Variants in NLGN1 observed in about 807,000 individuals in gnomAD.
NLGN1 encodes the protein neuroligin 1.
NLGN1 carries 12 observed loss-of-function variants against 65.5 expected under a neutral mutation model. The ratio of observed to expected loss-of-function variants is 0.18; its 90% CI spans 0.12 to 0.30. The LOEUF (loss-of-function observed/expected upper bound fraction) is 0.30. NLGN1 is among the 10% of genes least tolerant of loss of function. The pLI is 1.00. For synonymous variants in NLGN1, 350 were observed against 359.5 expected (o/e 0.97, Z 0.30); for missense variants, 750 against 1,007.1 (o/e 0.74, Z 3.46).
chr3:173,549,619 T>C (rs1193369232), intron 2 of NLGN1, among the ~76,000 whole-genome samples: 1 of 152,078 alleles, frequency 6.6e-6, no homozygotes, highest in Non-Finnish European at 1.5e-5. Flanking sequence ...TTACTCTTTA[T>C]TAGATTAATT....
intron 4 of NLGN1, among the ~76,000 whole-genome samples, chr3:173,888,073 C>G (rs1048536827): frequency 1.3e-5 from 2 of 151,904 alleles, no homozygotes; most frequent in African/African-American, 4.8e-5. Context: ...ATGAATCACC[C>G]ATATAATGCA....
intron 3 of NLGN1, among the ~76,000 whole-genome samples, chr3:173,776,717 A>G (rs1460597306): frequency 2.6e-5 from 4 of 152,004 alleles, no homozygotes; most frequent in Non-Finnish European, 1.5e-5. Context: ...TCCTCCGTAT[A>G]TAAAAGTAAT....
intron 4 of NLGN1, among the ~76,000 whole-genome samples, chr3:174,209,325 T>G (rs1736009696): frequency 6.6e-6 from 1 of 152,194 alleles, no homozygotes. Context: ...GCTTCTTTCT[T>G]ATTGTATTTT....
At chr3:173,893,820 C>T (rs991217448) in intron 4 of NLGN1, among the ~76,000 whole-genome samples, 2 of 152,130 alleles carry the variant, frequency 1.3e-5, no homozygotes, top group Non-Finnish European at 1.5e-5. Flanking sequence ...GATAGCTTGC[C>T]TATCATTTGT....
intron 4 of NLGN1, among the ~76,000 whole-genome samples, chr3:173,935,916 T>C (rs1744995338): frequency 6.6e-6 from 1 of 151,988 alleles, no homozygotes; most frequent in African/African-American, 2.4e-5. Flanking sequence ...ACCAAAGACC[T>C]ACTGCTCCCC....
In NLGN1 at chr3:173,539,657, G is replaced by GTACATACGTACATATATAACATACATATA. The variant is rs1362050556; in HGVS notation, c.-320-64621_-320-64620insACATACGTACATATATAACATACATATAT. 4.6e-3 allele frequency among the ~76,000 whole-genome samples: 568 copies of GTACATACGTACATATATAACATACATATA among 124,270 alleles called. 6 individuals are homozygous for GTACATACGTACATATATAACATACATATA. The highest frequency in any genetic ancestry group is 7.7e-3 in the Non-Finnish European group (484 of 62,678). The allele number at this position is 124,270 out of a possible 152,430, so 81.5% of individuals were successfully genotyped here. A position where few individuals can be genotyped will look rare whatever the true frequency, so the allele number is the denominator to read the frequency against. On this transcript the variant is annotated intron_variant, in intron 2 of 6. Coordinates refer to ENST00000457714, the Ensembl canonical transcript of NLGN1. ...ACACATATATACATATATAACATAT[G>GTACATACGTACATATATAACATACATATA]TGTATATATGCACATATATAACATA...
chr3:173,790,008 C>T, intron 3 of NLGN1: 3 of 392,260 alleles, frequency 7.6e-6, no homozygotes, highest in South Asian at 3.7e-5. Flanking sequence ...CCTTTCTTTC[C>T]TCATACCATA....
At chr3:173,795,683 G>A (rs369194805) in intron 3 of NLGN1, among the ~76,000 whole-genome samples, 70 of 152,002 alleles carry the variant, frequency 4.6e-4, no homozygotes, top group Non-Finnish European at 5.6e-4. Flanking sequence ...TAATCCTGTC[G>A]TTACTTAAAA....
At chr3:173,953,454 C>T (rs1579386827) in intron 4 of NLGN1, among the ~76,000 whole-genome samples, 2 of 152,292 alleles carry the variant, frequency 1.3e-5, no homozygotes, top group South Asian at 2.1e-4. Flanking sequence ...TCCAACTGGG[C>T]ACTAAACTAA....
intron 4 of NLGN1, among the ~76,000 whole-genome samples, chr3:174,017,748 G>C (rs971742326): frequency 5.9e-5 from 9 of 152,008 alleles, no homozygotes; most frequent in African/African-American, 1.9e-4. Flanking sequence ...GTACAAATAG[G>C]GTGTGGGTCA....
At chr3:174,056,527 C>G (rs1004120586) in intron 4 of NLGN1, among the ~76,000 whole-genome samples, 4 of 151,952 alleles carry the variant, frequency 2.6e-5, no homozygotes, top group African/African-American at 9.7e-5. Context: ...AGCTTTGAAT[C>G]TCTCACTGGA....
At chr3:173,419,588 A>G (rs976719279) in intron 1 of NLGN1, among the ~76,000 whole-genome samples, 11 of 152,102 alleles carry the variant, frequency 7.2e-5, no homozygotes, top group Non-Finnish European at 1.3e-4. Flanking sequence ...GCTCTGTCAT[A>G]TTTCAGCCTC....
intron 5 of NLGN1, among the ~76,000 whole-genome samples, chr3:174,276,822 A>ACTT (rs1750679539): frequency 6.6e-6 from 1 of 151,890 alleles, no homozygotes; most frequent in Non-Finnish European, 1.5e-5. Flanking sequence ...GAAATAATAA[A>ACTT]CTTAGTGTTT....
intron 2 of NLGN1, among the ~76,000 whole-genome samples, chr3:173,595,500 A>G (rs1749311413): frequency 6.6e-6 from 1 of 152,186 alleles, no homozygotes; most frequent in Admixed American, 6.5e-5. Flanking sequence ...ACAAGTCTCT[A>G]GGAAGTTCCA....
At chr3:173,586,780 A>C (rs1214329262) in intron 2 of NLGN1, among the ~76,000 whole-genome samples, 1 of 152,210 alleles carries the variant, frequency 6.6e-6, no homozygotes, top group Non-Finnish European at 1.5e-5. Flanking sequence ...AAGCTAGGTT[A>C]GTCTCTTTTT....
At chr3:173,845,612 A>G (rs532354908) in intron 4 of NLGN1, among the ~76,000 whole-genome samples, 189 of 140,276 alleles carry the variant, frequency 1.3e-3, no homozygotes, top group Non-Finnish European at 2.3e-3. Flanking sequence ...GGATGGATAG[A>G]TAGATAGATA....
chr3:173,577,250 C>T (rs1414730270), intron 2 of NLGN1, among the ~76,000 whole-genome samples: 1 of 152,152 alleles, frequency 6.6e-6, no homozygotes, highest in African/African-American at 2.4e-5. Flanking sequence ...TAATGTATTA[C>T]ACATAAGCCA....
chr3:173,439,763 T>C (rs1020797841), intron 2 of NLGN1, among the ~76,000 whole-genome samples: 1 of 152,110 alleles, frequency 6.6e-6, no homozygotes, highest in South Asian at 2.1e-4. Context: ...AAAGCTAAAA[T>C]GCTAATGGTT....
chr3:173,962,330 A>T (rs1433817095), intron 4 of NLGN1, among the ~76,000 whole-genome samples: 1 of 152,072 alleles, frequency 6.6e-6, no homozygotes, highest in East Asian at 1.9e-4. Flanking sequence ...GTCTTTGTCA[A>T]ACATCACCTT....
Sources: gnomAD v4.1 joint callset for allele counts (sites outside exome capture counted in the v4.1 genomes callset) on GRCh38, gnomAD v4.1.1 for gene constraint, MANE v1.5 for transcripts, NCBI Gene and HGNC (gene_info 2026-07-23, HGNC 2026-07-21) for gene names.